PLEKHG5: variants seen among roughly 807,000 people sequenced by gnomAD.
PLEKHG5 encodes the protein pleckstrin homology domain-containing family G member 5.
Under a neutral mutation model 103.8 loss-of-function variants are expected in PLEKHG5, and 52 were observed. The observed-to-expected ratio is 0.50, with a 90% CI of 0.40 to 0.63. PLEKHG5 has a LOEUF of 0.63. Among genes scored for constraint, PLEKHG5 ranks in the 30% least tolerant of loss-of-function variants. The probability of loss-of-function intolerance (pLI) is 0.00; values close to 1 mark genes in which losing one functional copy is unlikely to be tolerated. For synonymous variants in PLEKHG5, 592 were observed against 575.5 expected, an observed-to-expected ratio of 1.03 and a Z score of -0.41; for missense variants, 1,205 against 1,347.6, an observed-to-expected ratio of 0.89 and a Z score of 1.66.
chr1:6,490,379 A>T lies in PLEKHG5; in HGVS notation c.-88+1258T>A. On this transcript the variant is annotated intron_variant, in intron 1 of 20. Coordinates refer to ENST00000377728, the MANE Select transcript of PLEKHG5 (RefSeq NM_020631.6). The surrounding 1 kb of genome is among the most constrained non-coding windows in gnomAD (Gnocchi z 8.0). Reference sequence around the variant, plus strand: ...GAATCCGGGTTCTGTCCATCGGTTTAGGGGGGTCCTGGCGCCTAGTCCCAC... The same window carrying T: ...GAATCCGGGTTCTGTCCATCGGTTTTGGGGGGTCCTGGCGCCTAGTCCCAC... 1.1e-6 allele frequency: 1 copy of T among 880,736 alleles called. No individual in the cohort carries two copies. Among genetic ancestry groups the T allele is most frequent in the Non-Finnish European group, 1.4e-6 (1 of 735,338 alleles). The allele number at this position is 880,736 out of a possible 1,614,324, so 54.6% of individuals were successfully genotyped here.
intron 1 of PLEKHG5, among the ~76,000 whole-genome samples, chr1:6,511,057 C>T (rs1416281366): frequency 6.6e-6 from 1 of 152,106 alleles, no homozygotes; most frequent in East Asian, 1.9e-4. Flanking sequence ...CCACTACACT[C>T]CAGCCTCAGC....
intron 1 of PLEKHG5, among the ~76,000 whole-genome samples, chr1:6,504,243 G>T (rs1331935062): frequency 1.3e-5 from 2 of 152,102 alleles, no homozygotes; most frequent in Admixed American, 1.3e-4. Flanking sequence ...AGGGTGGAGG[G>T]GAGATTTGCC....
chr1:6,502,550 C>T (rs1046801815), intron 1 of PLEKHG5, among the ~76,000 whole-genome samples: 4 of 152,274 alleles, frequency 2.6e-5, no homozygotes, highest in African/African-American at 7.2e-5. Context: ...TGGGGCCAGC[C>T]GGCCACTTCC....
intron 10 of PLEKHG5, 96 bp downstream of exon 10, chr1:6,472,431 G>A (rs1644619388): frequency 1.1e-6 from 1 of 904,898 alleles, no homozygotes; most frequent in Non-Finnish European, 1.8e-6. Context: ...CTCATTGCCA[G>A]GCACCTGCTC....
Position 6,475,079 on chromosome 1 carries a change from C to G in PLEKHG5, c.270G>C (p.Glu90Asp). The change falls in exon 5 of 21, where the codon GAG (glutamate) becomes GAC (aspartate). Residue 90 changes from glutamate to aspartate, a missense_variant. Transcript: ENST00000377728. ...ACTTCTTCTTCATGGCTGGGACGAT[C>G]TCTGTCTCAATGTCCACATTCAGGT... Reference protein sequence around the residue: ...KFDLNVDIETEIVPAMKKKSL... With the variant: ...KFDLNVDIETDIVPAMKKKSL... 4 of 1,611,778 alleles carry G rather than the reference C, an allele frequency of 2.5e-6. No homozygotes were observed. The highest frequency in any genetic ancestry group is 3.4e-6 in the Non-Finnish European group (4 of 1,177,874).
At chr1:6,484,436 G>A (rs1303483096) in intron 1 of PLEKHG5, among the ~76,000 whole-genome samples, 2 of 152,200 alleles carry the variant, frequency 1.3e-5, no homozygotes, top group African/African-American at 4.8e-5. Flanking sequence ...ATCTGAACCA[G>A]GTGGTTTCCG....
At chr1:6,507,450 G>A (rs902163118) in intron 1 of PLEKHG5, among the ~76,000 whole-genome samples, 5 of 152,148 alleles carry the variant, frequency 3.3e-5, no homozygotes, top group Non-Finnish European at 7.4e-5. Flanking sequence ...GGGCTCCCCA[G>A]CCAGGCTTTG....
intron 1 of PLEKHG5, among the ~76,000 whole-genome samples, chr1:6,478,837 T>C (rs1472988752): frequency 1.3e-5 from 2 of 152,010 alleles, no homozygotes; most frequent in Non-Finnish European, 2.9e-5. Context: ...AGAGACGGAG[T>C]TTCACCATGT....
Position 6,477,659 on chromosome 1 carries a change from C to T in PLEKHG5, c.-87-1G>A. ...GCTGGCAGTCGGCGTGGTGACATAC[C>T]TGGGGTGGGGACAGAAGCCTTCAGG... On this transcript the variant is annotated splice_acceptor_variant, in intron 1 of 20. Transcript: ENST00000377728. LOFTEE classifies it low-confidence loss of function (5UTR_SPLICE). The T allele has an allele frequency of 6.2e-7, 1 of 1,602,050 alleles. No homozygotes were observed. Among genetic ancestry groups the T allele is most frequent in the Non-Finnish European group, 8.5e-7 (1 of 1,179,832 alleles).
intron 1 of PLEKHG5, among the ~76,000 whole-genome samples, chr1:6,508,372 G>A (rs1638384343): frequency 6.6e-6 from 1 of 152,192 alleles, no homozygotes; most frequent in Non-Finnish European, 1.5e-5. Context: ...CGCTTGTGCT[G>A]TTCCTGCTGC....
In PLEKHG5 at chr1:6,491,602, C is replaced by G. The variant is rs1482603651; in HGVS notation, c.-88+35G>C. 2 of 966,242 alleles carry G rather than the reference C, an allele frequency of 2.1e-6. No individual in the cohort carries two copies. The highest frequency in any genetic ancestry group is 1.2e-4 in the Admixed American group (2 of 16,230). 59.9% of individuals were successfully genotyped at this position (966,242 alleles called of 1,614,324 possible). ...CGCTGCTCACCCCCAAAGCATTGCC[C>G]AGGAGAATAGGTGATTGCCTCTCCC... On this transcript the variant is annotated intron_variant, in intron 1 of 20. Transcript: ENST00000377728. This position sits in a 1 kb window ranked among gnomAD's most constrained non-coding sequence, Gnocchi z 4.1.
intron 1 of PLEKHG5, among the ~76,000 whole-genome samples, chr1:6,480,922 G>A (rs1415592920): frequency 2.6e-5 from 4 of 152,006 alleles, no homozygotes; most frequent in Non-Finnish European, 5.9e-5. Context: ...ATTAGTGCTG[G>A]GATTACAGGT....
rs552027162 is a variant in PLEKHG5, at chr1:6,505,633, C to T, written c.-164-9064G>A. Among the ~76,000 whole-genome samples the T allele has an allele frequency of 8.5e-5, 13 of 152,332 alleles. No individual in the cohort carries two copies. The East Asian group carries it at 2.3e-3, about 27-fold the overall frequency. ...TGGGGACAAAAGGAGAAATGACCCA[C>T]GTCCTGGGACCTGGAACGTGAATGT... On this transcript the variant is annotated intron_variant, in intron 1 of 21. Coordinates refer to the PLEKHG5 transcript ENST00000377740. This position sits in a 1 kb window ranked among gnomAD's most constrained non-coding sequence, Gnocchi z 4.2.
At chr1:6,496,814 G>T, upstream of PLEKHG5, 1 of 565,604 alleles carries the variant, frequency 1.8e-6, no homozygotes, top group Non-Finnish European at 3.0e-6. Flanking sequence ...TTGGAAATAC[G>T]CTGCTCTCTC....
rs371547045 is a variant in PLEKHG5, at chr1:6,468,416, G to A, written c.2420C>T (p.Pro807Leu). The A allele has an allele frequency of 2.9e-5, 46 of 1,612,092 alleles. No homozygotes were observed. The highest frequency in any genetic ancestry group is 3.5e-5 in the Non-Finnish European group (41 of 1,179,514). The change falls in exon 20 of 21, where the codon CCG (proline) becomes CTG (leucine). Residue 807 changes from proline (P) to leucine (L), a missense_variant. By Grantham distance (98) the Pro-to-Leu change is moderately conservative (BLOSUM62 -3). Transcript: ENST00000377728. The stretch of plus-strand genomic sequence containing the variant: ...CATGGAGCAGGAGCGGCCGTCCACC[G>A]GACCCAGGGGCAGCAGCTCACTGGT... ...TPTSELLPLG[P>L]VDGRSCSMDS...
chr1:6,500,427 C>T (rs1553179272), upstream of PLEKHG5, among the ~76,000 whole-genome samples: 3 of 152,052 alleles, frequency 2.0e-5, no homozygotes. Context: ...GGGAGCCCTG[C>T]CTCTTCGTAG....
Position 6,490,806 on chromosome 1 carries a change from C to T in PLEKHG5, c.-88+831G>A, listed in dbSNP as rs1645139307. ...GGGGGCGTCACTGTCCCCGAGGGGC[C>T]AGCCCTTTGCAGATCTCCAAAAAGT... On this transcript the variant is annotated intron_variant, in intron 1 of 20. Transcript: ENST00000377728. The surrounding 1 kb of genome is among the most constrained non-coding windows in gnomAD (Gnocchi z 8.0). Among the ~76,000 whole-genome samples, 1 of 152,146 alleles carries T rather than the reference C, an allele frequency of 6.6e-6. No homozygotes were observed. The highest frequency in any genetic ancestry group is 1.5e-5 in the Non-Finnish European group (1 of 68,020).
chr1:6,496,655 G>T, upstream of PLEKHG5: 1 of 942,330 alleles, frequency 1.1e-6, no homozygotes, highest in Non-Finnish European at 1.6e-6. Flanking sequence ...AGGAGGGGTG[G>T]GGTGATCTCC....
intron 1 of PLEKHG5, among the ~76,000 whole-genome samples, chr1:6,504,112 T>C (rs1241212655): frequency 6.6e-6 from 1 of 152,170 alleles, no homozygotes; most frequent in African/African-American, 2.4e-5. Context: ...GGGTCAAGTC[T>C]CTGGCTCTGT....
Sources: gnomAD v4.1 joint callset for allele counts (sites outside exome capture counted in the v4.1 genomes callset) on GRCh38, gnomAD v4.1.1 for gene constraint, Gnocchi (gnomAD v3.1) non-coding constraint, MANE v1.5 for transcripts, NCBI Gene and HGNC (gene_info 2026-07-23, HGNC 2026-07-21) for gene names.